The following DDIAS variants were observed in gnomAD, a reference collection of about 807,000 sequenced individuals.
The protein encoded by DDIAS is DNA damage induced apoptosis suppressor.
In DDIAS, 14 loss-of-function variants were observed where a neutral mutation model predicts 15.7. The ratio of observed to expected loss-of-function variants is 0.89; its 90% CI spans 0.59 to 1.39. The LOEUF (loss-of-function observed/expected upper bound fraction) is 1.39. DDIAS is among the 40% of genes most tolerant of loss of function. DDIAS has a pLI of 0.00. For missense variants in DDIAS, 1,035 were observed against 1,130.9 expected, an observed-to-expected ratio of 0.92 and a Z score of 1.22; for synonymous variants, 355 against 395.9, an observed-to-expected ratio of 0.90 and a Z score of 1.23.
In DDIAS at chr11:82,931,763, A is replaced by G. The variant is rs1248737444; in HGVS notation, c.425A>G (p.Asp142Gly). ...NFENQPGQGS[D>G]ASNFLQQCSD... ...GAAAACCAACCTGGACAAGGTTCAG[A>G]TGCCAGTAACTTCTTACAGCAATGC... Residue 142 changes from aspartate to glycine, a missense_variant, in exon 6 of 6, where the codon GAT becomes GGT. Asp to Gly is a moderately conservative substitution (Grantham distance 94, BLOSUM62 -1). Coordinates refer to ENST00000533655, the MANE Select transcript of DDIAS (RefSeq NM_145018.4). 2 of 1,606,760 alleles carry G rather than the reference A, an allele frequency of 1.2e-6. No individual in the cohort carries two copies. The highest frequency in any genetic ancestry group is 1.7e-5 in the Admixed American group (1 of 58,204).
chr11:82,932,965 T>C lies in DDIAS; in HGVS notation c.1627T>C (p.Ser543Pro). ...ACCGAATCCTTACCTGTCAGCTCTG[T>C]CTTCATCTTCAAAAGATTTAGAAAC... ...FLPNPYLSAL[S>P]SSSKDLETIV... The change falls in exon 6 of 6, where the codon TCT becomes CCT. Residue 543 changes from serine (S) to proline (P), a missense_variant. Coordinates refer to ENST00000533655, the MANE Select transcript of DDIAS (RefSeq NM_145018.4). The C allele has an allele frequency of 6.2e-7, 1 of 1,612,552 alleles. No homozygotes were observed.
intron 1 of DDIAS, among the ~76,000 whole-genome samples, chr11:82,910,992 C>T (rs1860521981): frequency 6.6e-6 from 1 of 152,102 alleles, no homozygotes; most frequent in African/African-American, 2.4e-5. Flanking sequence ...AAAATGTTTA[C>T]ACTATACTGT....
intron 3 of DDIAS, among the ~76,000 whole-genome samples, chr11:82,921,571 C>CTTTTTTTTTTTTTTTT (rs968751055): frequency 7.7e-5 from 6 of 78,130 alleles, no homozygotes; most frequent in African/African-American, 2.2e-4. Flanking sequence ...TTCTTTCTTT[C>CTTTTTTTTTTTTTTTT]TTTTTTTTTT....
chr11:82,921,938 A>T (rs962243809), intron 3 of DDIAS, among the ~76,000 whole-genome samples: 6 of 152,216 alleles, frequency 3.9e-5, no homozygotes, highest in Admixed American at 3.3e-4. Flanking sequence ...TGTTTGTCTG[A>T]GAAAGACTGT....
intron 4 of DDIAS, 60 bp downstream of exon 4, chr11:82,928,998 T>G: frequency 6.6e-7 from 1 of 1,524,350 alleles, no homozygotes; most frequent in African/African-American, 1.4e-5. Context: ...GATACAAGTT[T>G]ATAAGGCAAT....
At chr11:82,920,332 G>T (rs1053239883) in intron 3 of DDIAS, among the ~76,000 whole-genome samples, 1 of 151,762 alleles carries the variant, frequency 6.6e-6, no homozygotes, top group African/African-American at 2.4e-5. Flanking sequence ...GCCAGCTTTT[G>T]GTTTCATGTA....
Position 82,934,393 on chromosome 11 carries a change from A to G in DDIAS, c.*58A>G. 6.8e-7 allele frequency: 1 copy of G among 1,474,144 alleles called. No homozygotes were observed. The highest frequency in any genetic ancestry group is 9.1e-7 in the Non-Finnish European group (1 of 1,097,922). 91.3% of individuals were successfully genotyped at this position (1,474,144 alleles called of 1,614,324 possible). A position where few individuals can be genotyped will look rare whatever the true frequency, so the allele number is the denominator to read the frequency against. The stretch of plus-strand genomic sequence containing the variant: ...AATCTGTTTGGAAATGTTTGCCTTC[A>G]GGGGTACGGAAAGCATTCTTTACAT... On this transcript the variant is annotated 3_prime_UTR_variant, in exon 6 of 6. Transcript: ENST00000533655.
At chr11:82,921,166 T>TAGCA (rs1349339514) in intron 3 of DDIAS, among the ~76,000 whole-genome samples, 1 of 152,236 alleles carries the variant, frequency 6.6e-6, no homozygotes, top group Non-Finnish European at 1.5e-5. Context: ...CTTTAAAGTT[T>TAGCA]GTTTTTGTCT....
intron 1 of DDIAS, among the ~76,000 whole-genome samples, chr11:82,906,762 A>G (rs1223769680): frequency 1.3e-5 from 2 of 152,208 alleles, no homozygotes; most frequent in African/African-American, 2.4e-5. Flanking sequence ...AATGATTAAA[A>G]TAAGTATGAA....
At chr11:82,903,571 CTT>C (rs1228768265) in intron 1 of DDIAS, among the ~76,000 whole-genome samples, 1 of 152,170 alleles carries the variant, frequency 6.6e-6, no homozygotes, top group African/African-American at 2.4e-5. Context: ...GATTTTGTCT[CTT>C]TGTTTTTTTG....
At position 82,915,890 on chromosome 11, in the gene DDIAS, T is replaced by C. The variant is rs114031364; in HGVS notation, c.113+1039T>C. Among the ~76,000 whole-genome samples, 445 of 152,316 alleles carry C rather than the reference T, an allele frequency of 2.9e-3. 1 individual carries two copies. Among genetic ancestry groups the C allele is most frequent in the African/African-American group, 8.9e-3 (369 of 41,572 alleles). On this transcript the variant is annotated intron_variant, in intron 3 of 5. Coordinates refer to ENST00000533655, the MANE Select transcript of DDIAS (RefSeq NM_145018.4). Reference sequence around the variant, plus strand: ...AGTGTGGTATACAGTCCTTACTTAATGTTGTTGGATTCTTAGACACCGCAA... The same window carrying C: ...AGTGTGGTATACAGTCCTTACTTAACGTTGTTGGATTCTTAGACACCGCAA...
At chr11:82,903,044 A>G (rs1419742897) in intron 1 of DDIAS, among the ~76,000 whole-genome samples, 2 of 152,244 alleles carry the variant, frequency 1.3e-5, no homozygotes, top group African/African-American at 2.4e-5. Flanking sequence ...GGAAAGAAAA[A>G]CATTCTAAAC....
chr11:82,929,014 T>TGA lies in DDIAS; in HGVS notation c.275+76_275+77insGA. On this transcript the variant is annotated intron_variant, in intron 4 of 5. Coordinates refer to ENST00000533655, the MANE Select transcript of DDIAS (RefSeq NM_145018.4). ...ATACAAGTTTATAAGGCAATATGCA[T>TGA]TTTTGTAGAAAGATAATCATTCAAC... 3 of 1,478,792 alleles carry TGA rather than the reference T, an allele frequency of 2.0e-6. No individual in the cohort carries two copies. In the East Asian group the frequency reaches 7.0e-5, roughly 35 times the overall value. The allele number at this position is 1,478,792 out of a possible 1,614,324, so 91.6% of individuals were successfully genotyped here. A position where few individuals can be genotyped will look rare whatever the true frequency, so the allele number is the denominator to read the frequency against.
intron 1 of DDIAS, among the ~76,000 whole-genome samples, chr11:82,906,090 A>G (rs1418035773): frequency 6.6e-6 from 1 of 152,184 alleles, no homozygotes; most frequent in Non-Finnish European, 1.5e-5. Context: ...ACACCCCCAG[A>G]GCCTAGGTAA....
chr11:82,929,718 A>AAG (rs2121364650), intron 4 of DDIAS, among the ~76,000 whole-genome samples: 1 of 151,776 alleles, frequency 6.6e-6, no homozygotes, highest in East Asian at 1.9e-4. Context: ...AAAAAAAAAA[A>AAG]AGCTTTTCTT....
intron 1 of DDIAS, among the ~76,000 whole-genome samples, chr11:82,902,139 A>G (rs1278273297): frequency 1.3e-5 from 2 of 152,204 alleles, no homozygotes; most frequent in East Asian, 1.9e-4. Flanking sequence ...GCAAATACGT[A>G]TTCAGTGGGC....
intron 1 of DDIAS, among the ~76,000 whole-genome samples, chr11:82,906,990 A>G (rs1264960382): frequency 6.6e-6 from 1 of 152,198 alleles, no homozygotes; most frequent in African/African-American, 2.4e-5. Flanking sequence ...CTACGATCTT[A>G]CTTTGAGTCC....
intron 1 of DDIAS, among the ~76,000 whole-genome samples, chr11:82,905,364 G>T (rs1287864014): frequency 6.6e-6 from 1 of 151,820 alleles, no homozygotes; most frequent in Non-Finnish European, 1.5e-5. Flanking sequence ...CATTTTTATA[G>T]TATTTATTGA....
At position 82,932,259 on chromosome 11, in the gene DDIAS, A is replaced by G. The variant is rs1861007648; in HGVS notation, c.921A>G (p.Thr307=). The G allele has an allele frequency of 6.2e-7, 1 of 1,613,710 alleles. No homozygotes were observed. The highest frequency in any genetic ancestry group is 1.3e-5 in the African/African-American group (1 of 74,922). Residue 307 remains threonine (T), a synonymous_variant, in exon 6 of 6, where the codon ACA becomes ACG. Transcript: ENST00000533655. ...SLVSYMDKKS[T]AEKLGKELGL... ...TTTCATATATGGATAAAAAGAGTAC[A>G]GCAGAAAAGTTGGGTAAAGAACTTG...
Sources: gnomAD v4.1 joint callset for allele counts (sites outside exome capture counted in the v4.1 genomes callset) on GRCh38, gnomAD v4.1.1 for gene constraint, MANE v1.5 for transcripts, NCBI Gene and HGNC (gene_info 2026-07-23, HGNC 2026-07-21) for gene names.